The following ATP8A2 variants were observed in gnomAD, a reference collection of about 807,000 sequenced individuals.
ATP8A2 encodes the protein ATPase phospholipid transporting 8A2.
In ATP8A2, 100 loss-of-function variants were observed where a neutral mutation model predicts 165.6. The observed-to-expected ratio is 0.60, with a 90% CI of 0.51 to 0.71. The LOEUF (loss-of-function observed/expected upper bound fraction) is 0.71, where lower values mean the gene tolerates loss of function less well. ATP8A2 is among the 30% of genes least tolerant of loss of function. ATP8A2 has a pLI of 0.00. For missense variants in ATP8A2, 1,227 were observed against 1,479.5 expected, an observed-to-expected ratio of 0.83 and a Z score of 2.80; for synonymous variants, 543 against 548.8, an observed-to-expected ratio of 0.99 and a Z score of 0.15.
chr13:25,836,166 TTTTG>T (rs149756647), intron 28 of ATP8A2, among the ~76,000 whole-genome samples: 19,103 of 150,554 alleles, frequency 0.13, 1,483 homozygotes, highest in East Asian at 0.22. Flanking sequence ...ATCTCCTGTT[TTTTG>T]TTTGTTTGTT....
intron 24 of ATP8A2, among the ~76,000 whole-genome samples, chr13:25,650,627 C>A (rs546603696): frequency 6.6e-6 from 1 of 152,180 alleles, no homozygotes; most frequent in Admixed American, 6.5e-5. Flanking sequence ...AATTTGAATT[C>A]TACTAATGTT....
intron 25 of ATP8A2, among the ~76,000 whole-genome samples, chr13:25,719,825 G>A (rs74414266): frequency 0.064 from 9,783 of 152,196 alleles, 973 homozygotes; most frequent in African/African-American, 0.21. Context: ...ACTGGCAGGC[G>A]AGCTGTGCCC....
intron 33 of ATP8A2, among the ~76,000 whole-genome samples, chr13:25,913,411 G>A (rs896465518): frequency 9.9e-5 from 15 of 152,092 alleles, no homozygotes; most frequent in African/African-American, 3.6e-4. Flanking sequence ...GACCTTCTTT[G>A]CCAGAAAATT....
intron 23 of ATP8A2, among the ~76,000 whole-genome samples, chr13:25,584,670 A>G (rs1205788136): frequency 1.3e-5 from 2 of 152,320 alleles, no homozygotes; most frequent in East Asian, 1.9e-4. Flanking sequence ...AACTGGTACT[A>G]GGTCTCAGGG....
At chr13:25,532,399 G>C in intron 5 of ATP8A2, 82 bp downstream of exon 5, 1 of 888,570 alleles carries the variant, frequency 1.1e-6, no homozygotes, top group Non-Finnish European at 1.8e-6. Context: ...AATAAGTAGT[G>C]AATGGTATTG....
At chr13:25,538,534 T>G (rs1433511352) in intron 7 of ATP8A2, among the ~76,000 whole-genome samples, 4 of 152,202 alleles carry the variant, frequency 2.6e-5, no homozygotes, top group Non-Finnish European at 5.9e-5. Context: ...CATCCATCCA[T>G]GTTTTGCCCC....
chr13:25,516,347 A>G (rs1456623245), intron 2 of ATP8A2, among the ~76,000 whole-genome samples: 1 of 152,102 alleles, frequency 6.6e-6, no homozygotes, highest in Non-Finnish European at 1.5e-5. Context: ...CCTTTGGATA[A>G]CTCGATCTCA....
intron 33 of ATP8A2, among the ~76,000 whole-genome samples, chr13:25,893,818 T>C (rs1372601154): frequency 6.6e-6 from 1 of 152,176 alleles, no homozygotes; most frequent in Non-Finnish European, 1.5e-5. Context: ...TGAGCATTTT[T>C]TCATGTGTTT....
At chr13:25,431,428 C>T (rs1378056224) in intron 1 of ATP8A2, among the ~76,000 whole-genome samples, 1 of 152,120 alleles carries the variant, frequency 6.6e-6, no homozygotes, top group African/African-American at 2.4e-5. Context: ...GGATTACAGG[C>T]GTGAGCCACC....
At chr13:25,459,570 A>C (rs985665560) in intron 1 of ATP8A2, among the ~76,000 whole-genome samples, 1 of 152,156 alleles carries the variant, frequency 6.6e-6, no homozygotes, top group Non-Finnish European at 1.5e-5. Context: ...TGCAAGAAAT[A>C]ATGTGTGGTG....
chr13:25,837,967 T>C (rs1211760161), intron 29 of ATP8A2, among the ~76,000 whole-genome samples: 1 of 152,232 alleles, frequency 6.6e-6, no homozygotes, highest in East Asian at 1.9e-4. Flanking sequence ...CGGCTGAATG[T>C]GGCAGAGTGC....
At chr13:25,986,378 G>C (rs1461870645) in intron 35 of ATP8A2, among the ~76,000 whole-genome samples, 1 of 152,120 alleles carries the variant, frequency 6.6e-6, no homozygotes, top group Non-Finnish European at 1.5e-5. Context: ...CTCACTTCTT[G>C]ACCCCGGGTA....
chr13:25,480,507 C>T (rs2036149807), intron 2 of ATP8A2, among the ~76,000 whole-genome samples: 1 of 149,460 alleles, frequency 6.7e-6, no homozygotes, highest in African/African-American at 2.5e-5. Context: ...GCGCTCCTCA[C>T]ATCCCAGACG....
intron 1 of ATP8A2, among the ~76,000 whole-genome samples, chr13:25,445,782 G>A (rs539222282): frequency 6.6e-6 from 1 of 152,234 alleles, no homozygotes; most frequent in East Asian, 1.9e-4. Flanking sequence ...GCACGGGCTT[G>A]GTGGATTAGC....
intron 35 of ATP8A2, among the ~76,000 whole-genome samples, chr13:26,008,621 T>C (rs1300223846): frequency 6.6e-6 from 1 of 152,074 alleles, no homozygotes; most frequent in African/African-American, 2.4e-5. Flanking sequence ...GAACAGGATA[T>C]AAAAACAAAC....
intron 33 of ATP8A2, among the ~76,000 whole-genome samples, chr13:25,902,843 G>A (rs1953799979): frequency 6.6e-6 from 1 of 151,820 alleles, no homozygotes; most frequent in African/African-American, 2.4e-5. Context: ...TGAATTTCCA[G>A]TTTTCAGTAC....
At chr13:25,497,604 T>C (rs2036716957) in intron 2 of ATP8A2, among the ~76,000 whole-genome samples, 1 of 152,182 alleles carries the variant, frequency 6.6e-6, no homozygotes, top group South Asian at 2.1e-4. Context: ...ATATCTATCA[T>C]TTAGACCACT....
intron 24 of ATP8A2, among the ~76,000 whole-genome samples, chr13:25,657,084 CAG>C (rs1237861298): frequency 4.0e-5 from 5 of 124,146 alleles, no homozygotes; most frequent in Non-Finnish European, 8.3e-5. Flanking sequence ...AAAAAAAAGA[CAG>C]ATAGTTTTCT....
chr13:25,889,887 G>A (rs988542665), intron 33 of ATP8A2, among the ~76,000 whole-genome samples: 1 of 151,962 alleles, frequency 6.6e-6, no homozygotes, highest in Non-Finnish European at 1.5e-5. Context: ...ATTTGGCCGG[G>A]CGCGGTGGTT....
Sources: allele counts gnomAD v4.1 joint callset (sites outside exome capture counted in the v4.1 genomes callset), GRCh38; gene constraint gnomAD v4.1.1; transcripts MANE v1.5; gene names NCBI Gene and HGNC (gene_info 2026-07-23, HGNC 2026-07-21).